PACRG: variants seen among roughly 807,000 people sequenced by gnomAD.
The protein encoded by PACRG is parkin coregulated.
A neutral mutation model predicts 29.7 loss-of-function variants in PACRG; 29 were observed. That is an observed-to-expected ratio of 0.98 (90% CI 0.73 to 1.33). The LOEUF (loss-of-function observed/expected upper bound fraction) is 1.33. PACRG is among the 40% of genes most tolerant of loss of function. The pLI, the probability that PACRG is intolerant of heterozygous loss-of-function variation, is 0.00. For missense variants in PACRG, 279 were observed against 316.2 expected, an observed-to-expected ratio of 0.88 and a Z score of 0.89; for synonymous variants, 116 against 118.7, an observed-to-expected ratio of 0.98 and a Z score of 0.15.
At chr6:163,208,540 A>AT (rs777073330) in intron 4 of PACRG, among the ~76,000 whole-genome samples, 1 of 152,174 alleles carries the variant, frequency 6.6e-6, no homozygotes, top group Non-Finnish European at 1.5e-5. Flanking sequence ...TTATTTAGCT[A>AT]TTTTTAGTGT....
chr6:163,289,443 T>G (rs938055116), intron 4 of PACRG, among the ~76,000 whole-genome samples: 2 of 152,232 alleles, frequency 1.3e-5, no homozygotes, highest in Non-Finnish European at 2.9e-5. Context: ...TGTAAATAAC[T>G]TCATTCTTTT....
chr6:162,868,662 C>T (rs1228482489), intron 2 of PACRG, among the ~76,000 whole-genome samples: 2 of 152,230 alleles, frequency 1.3e-5, no homozygotes, highest in African/African-American at 4.8e-5. Context: ...AGAGCACAGC[C>T]TCCTTTCCGG....
chr6:163,265,552 A>G (rs1361176872), intron 4 of PACRG, among the ~76,000 whole-genome samples: 1 of 152,240 alleles, frequency 6.6e-6, no homozygotes, highest in Non-Finnish European at 1.5e-5. Flanking sequence ...ATATATGCAT[A>G]GAGTAGTCGC....
chr6:163,014,125 C>T (rs200166220), intron 2 of PACRG, among the ~76,000 whole-genome samples: 7 of 152,170 alleles, frequency 4.6e-5, no homozygotes, highest in South Asian at 4.1e-4. Flanking sequence ...TCTGTTTGTG[C>T]GTGAATTCGC....
chr6:162,847,144 GAC>G, intron 2 of PACRG, among the ~76,000 whole-genome samples: 1 of 146,462 alleles, frequency 6.8e-6, no homozygotes, highest in East Asian at 2.4e-4. Context: ...TCCCCACACT[GAC>G]TCCAGAGCTT....
intron 2 of PACRG, among the ~76,000 whole-genome samples, chr6:162,920,703 G>A (rs1426419439): frequency 6.6e-6 from 1 of 152,156 alleles, no homozygotes; most frequent in Non-Finnish European, 1.5e-5. Context: ...TGAGCAATCA[G>A]CTACATACCA....
intron 3 of PACRG, among the ~76,000 whole-genome samples, chr6:163,081,232 TA>T (rs1421626832): frequency 6.6e-6 from 1 of 152,148 alleles, no homozygotes. Context: ...GCCCAAAACA[TA>T]AAATATTTAT....
At chr6:162,793,456 G>A (rs1382733179) in intron 1 of PACRG, among the ~76,000 whole-genome samples, 2 of 152,000 alleles carry the variant, frequency 1.3e-5, no homozygotes, top group Admixed American at 6.6e-5. Flanking sequence ...ATTTCTTCAG[G>A]GACCCATATC....
At chr6:163,297,999 C>T (rs1784845030) in intron 4 of PACRG, among the ~76,000 whole-genome samples, 1 of 152,248 alleles carries the variant, frequency 6.6e-6, no homozygotes, top group South Asian at 2.1e-4. Context: ...AAGGTGGTGG[C>T]CCGGGATACC....
chr6:163,037,128 C>T (rs1276627005), intron 2 of PACRG, among the ~76,000 whole-genome samples: 4 of 152,222 alleles, frequency 2.6e-5, no homozygotes, highest in South Asian at 2.1e-4. Context: ...TAACTGTTCT[C>T]TTCTTGCTTT....
At chr6:163,215,689 A>C (rs1781333833) in intron 4 of PACRG, among the ~76,000 whole-genome samples, 1 of 152,222 alleles carries the variant, frequency 6.6e-6, no homozygotes, top group African/African-American at 2.4e-5. Context: ...GAGATCACCC[A>C]AGGACAACAT....
chr6:162,764,125 A>G (rs1389320353), intron 1 of PACRG, among the ~76,000 whole-genome samples: 4 of 152,112 alleles, frequency 2.6e-5, no homozygotes, highest in Admixed American at 1.3e-4. Flanking sequence ...AATACAAAAA[A>G]TTAGCCAGTT....
At chr6:163,269,964 AAAGAAAGAAAG>A (rs1783747741) in intron 4 of PACRG, among the ~76,000 whole-genome samples, 1 of 83,060 alleles carries the variant, frequency 1.2e-5, no homozygotes, top group Non-Finnish European at 2.5e-5. Flanking sequence ...AGAAAGAAAG[AAAGAAAGAAAG>A]AAAGAAAGAA....
intron 1 of PACRG, among the ~76,000 whole-genome samples, chr6:162,779,290 A>G (rs2128311816): frequency 6.6e-6 from 1 of 152,334 alleles, no homozygotes; most frequent in Admixed American, 6.5e-5. Flanking sequence ...GTCAACGAGC[A>G]TTCGGGTTGA....
chr6:163,171,518 A>G (rs1779082738), intron 4 of PACRG, among the ~76,000 whole-genome samples: 1 of 152,220 alleles, frequency 6.6e-6, no homozygotes, highest in African/African-American at 2.4e-5. Context: ...ATGACCACAC[A>G]ACTATCTGAT....
At chr6:162,748,348 C>A (rs1781250079) in intron 1 of PACRG, among the ~76,000 whole-genome samples, 1 of 152,040 alleles carries the variant, frequency 6.6e-6, no homozygotes, top group African/African-American at 2.4e-5. Context: ...AAAAAATTAG[C>A]CAGGCGTGGT....
intron 4 of PACRG, among the ~76,000 whole-genome samples, chr6:163,123,848 A>G (rs1373647099): frequency 2.0e-5 from 3 of 152,186 alleles, no homozygotes; most frequent in African/African-American, 7.2e-5. Flanking sequence ...TAAAGCCAGG[A>G]TAGTATTCTA....
chr6:162,995,795 C>T, intron 2 of PACRG, among the ~76,000 whole-genome samples: 1 of 152,188 alleles, frequency 6.6e-6, no homozygotes, highest in Non-Finnish European at 1.5e-5. Flanking sequence ...TGAGTAATAT[C>T]CTGTTGTGTG....
At chr6:162,940,096 A>G (rs1462722100) in intron 2 of PACRG, among the ~76,000 whole-genome samples, 8 of 152,336 alleles carry the variant, frequency 5.3e-5, no homozygotes, top group Non-Finnish European at 1.2e-4. Flanking sequence ...GCCATGGACT[A>G]TTATAGTCAT....
Sources: gnomAD v4.1 joint callset for allele counts (sites outside exome capture counted in the v4.1 genomes callset) on GRCh38, gnomAD v4.1.1 for gene constraint, MANE v1.5 for transcripts, NCBI Gene and HGNC (gene_info 2026-07-23, HGNC 2026-07-21) for gene names.